CDH4: variants seen among roughly 807,000 people sequenced by gnomAD.
CDH4 encodes cadherin 4, also known as cadherin-4.
A neutral mutation model predicts 86.0 loss-of-function variants in CDH4; 33 were observed. The ratio of observed to expected loss-of-function variants is 0.38; its 90% confidence interval spans 0.29 to 0.51. The LOEUF (loss-of-function observed/expected upper bound fraction) is 0.51. Ranked by LOEUF, CDH4 falls within the 20% of genes least tolerant of loss-of-function variation. CDH4 has a pLI of 0.86. For missense variants in CDH4, 1,114 were observed against 1,307.4 expected (o/e 0.85, Z 2.28); for synonymous variants, 555 against 549.4 (o/e 1.01, Z -0.14).
intron 2 of CDH4, among the ~76,000 whole-genome samples, chr20:61,730,487 T>C (rs915413468): frequency 6.6e-6 from 1 of 152,222 alleles, no homozygotes; most frequent in African/African-American, 2.4e-5. Flanking sequence ...TGATAGCTCA[T>C]TGGATATCCA....
chr20:61,785,478 G>A (rs1008053819), intron 4 of CDH4, among the ~76,000 whole-genome samples: 3 of 152,196 alleles, frequency 2.0e-5, no homozygotes, highest in African/African-American at 7.2e-5. Context: ...GTGGGCTGTG[G>A]TTTGTGACCC....
chr20:61,257,276 G>A (rs1021977539), intron 2 of CDH4, among the ~76,000 whole-genome samples: 2 of 152,198 alleles, frequency 1.3e-5, no homozygotes, highest in Non-Finnish European at 2.9e-5. Context: ...ATTCCAGCAG[G>A]AGCGATTTGT....
At chr20:61,817,149 C>G (rs1980760811) in intron 4 of CDH4, among the ~76,000 whole-genome samples, 1 of 152,260 alleles carries the variant, frequency 6.6e-6, no homozygotes, top group African/African-American at 2.4e-5. Context: ...GCTGATACCT[C>G]TATCCCCTAC....
chr20:61,532,678 A>G (rs779878673), intron 2 of CDH4, among the ~76,000 whole-genome samples: 13 of 152,136 alleles, frequency 8.5e-5, no homozygotes, highest in Non-Finnish European at 1.6e-4. Flanking sequence ...TGATCAGCCA[A>G]TGTTTTAAGG....
At chr20:61,704,200 C>T (rs563550996) in intron 2 of CDH4, among the ~76,000 whole-genome samples, 2 of 152,226 alleles carry the variant, frequency 1.3e-5, no homozygotes, top group African/African-American at 4.8e-5. Context: ...GACAGGATCC[C>T]TGGTTCTCTC....
At chr20:61,666,944 G>T (rs1282159487) in intron 2 of CDH4, among the ~76,000 whole-genome samples, 1 of 152,248 alleles carries the variant, frequency 6.6e-6, no homozygotes, top group South Asian at 2.1e-4. Context: ...AGAAGGGTGA[G>T]AAGCATCCCT....
intron 2 of CDH4, among the ~76,000 whole-genome samples, chr20:61,668,298 C>T (rs1382804980): frequency 6.6e-6 from 1 of 152,208 alleles, no homozygotes; most frequent in Non-Finnish European, 1.5e-5. Flanking sequence ...TATTGACAGA[C>T]AGACACGCAC....
At chr20:61,565,122 T>TGG (rs2086260434) in intron 2 of CDH4, among the ~76,000 whole-genome samples, 2 of 104,238 alleles carry the variant, frequency 1.9e-5, no homozygotes, top group Non-Finnish European at 4.1e-5. Flanking sequence ...GCTGGTGCTC[T>TGG]TGGTGGTGCT....
rs2084456279 is a variant in CDH4 at position 61,313,049 on chromosome 20, T to C, written c.169+58112T>C. ...ATCCCTGCCCCAGGGTGGCCCCCAG[T>C]GCCTTCCAAAGACCGATTCTAATAC... On this transcript the variant is annotated intron_variant, in intron 2 of 15. Coordinates refer to ENST00000614565, the MANE Select transcript of CDH4 (RefSeq NM_001794.5). 2.6e-5 allele frequency among the ~76,000 whole-genome samples: 4 copies of C among 152,198 alleles called. No homozygotes were observed. In the South Asian group the frequency reaches 8.3e-4, roughly 32 times the overall value.
intron 10 of CDH4, 75 bp from the exon 11 acceptor site, chr20:61,924,259 C>T: frequency 6.8e-7 from 1 of 1,470,300 alleles, no homozygotes; most frequent in Non-Finnish European, 9.3e-7. Context: ...GGAGGTGTGG[C>T]CAAGGAGGCC....
chr20:61,441,816 G>C (rs1223412457), intron 2 of CDH4, among the ~76,000 whole-genome samples: 1 of 152,164 alleles, frequency 6.6e-6, no homozygotes, highest in Non-Finnish European at 1.5e-5. Flanking sequence ...AAGCTCTTCT[G>C]TGATGGCAGC....
chr20:61,286,549 C>A (rs1317836750), intron 2 of CDH4, among the ~76,000 whole-genome samples: 1 of 152,230 alleles, frequency 6.6e-6, no homozygotes, highest in Non-Finnish European at 1.5e-5. Flanking sequence ...AATGCTTTTA[C>A]TTCAGGAGTG....
chr20:61,615,313 G>A (rs151158450), intron 2 of CDH4, among the ~76,000 whole-genome samples: 2,379 of 151,094 alleles, frequency 0.016, 29 homozygotes, highest in Middle Eastern at 0.024. Flanking sequence ...GCAGAGATGT[G>A]GTTTCACGAT....
intron 2 of CDH4, among the ~76,000 whole-genome samples, chr20:61,578,440 A>T (rs908101935): frequency 1.3e-5 from 2 of 152,150 alleles, no homozygotes; most frequent in African/African-American, 4.8e-5. Flanking sequence ...ATAACTGGGG[A>T]TTTTCTCACG....
intron 3 of CDH4, among the ~76,000 whole-genome samples, chr20:61,748,883 G>A (rs1243825921): frequency 1.3e-5 from 2 of 152,112 alleles, no homozygotes; most frequent in Admixed American, 1.3e-4. Context: ...GCCAAAAAAT[G>A]CAAAAAAGAG....
intron 2 of CDH4, among the ~76,000 whole-genome samples, chr20:61,553,757 T>C (rs927781599): frequency 6.6e-6 from 1 of 152,240 alleles, no homozygotes; most frequent in Non-Finnish European, 1.5e-5. Flanking sequence ...CTGTAACTTC[T>C]TCCAATTCTA....
intron 2 of CDH4, among the ~76,000 whole-genome samples, chr20:61,413,112 C>A (rs935205147): frequency 6.6e-6 from 1 of 152,124 alleles, no homozygotes; most frequent in African/African-American, 2.4e-5. Context: ...TTAAATCATC[C>A]TTCATGGCAC....
chr20:61,664,683 C>T (rs1318984527), intron 2 of CDH4, among the ~76,000 whole-genome samples: 1 of 152,236 alleles, frequency 6.6e-6, no homozygotes, highest in Non-Finnish European at 1.5e-5. Flanking sequence ...CAGAGAAGTT[C>T]TCTCAGCCAA....
At chr20:61,647,542 T>TCTCTCTCTCC (rs1281087765) in intron 2 of CDH4, among the ~76,000 whole-genome samples, 1 of 108,226 alleles carries the variant, frequency 9.2e-6, no homozygotes, top group Non-Finnish European at 2.1e-5. Flanking sequence ...TCCCTCTCCC[T>TCTCTCTCTCC]CTCCCTCTCC....
Sources: allele counts gnomAD v4.1 joint callset (sites outside exome capture counted in the v4.1 genomes callset), GRCh38; gene constraint gnomAD v4.1.1; transcripts MANE v1.5; gene names NCBI Gene and HGNC (gene_info 2026-07-23, HGNC 2026-07-21).